CREM: variants seen among roughly 807,000 people sequenced by gnomAD.
CREM encodes cAMP responsive element modulator, also known as cAMP-responsive element modulator.
CREM carries 13 observed loss-of-function variants against 37.3 expected under a neutral mutation model. The observed-to-expected ratio is 0.35, with a 90% confidence interval of 0.23 to 0.55. The LOEUF (loss-of-function observed/expected upper bound fraction) is 0.55, where lower values mean the gene tolerates loss of function less well. Ranked by LOEUF, CREM falls within the 20% of genes least tolerant of loss-of-function variation. The pLI, the probability that CREM is intolerant of heterozygous loss-of-function variation, is 0.88. For missense variants in CREM, 296 were observed against 362.3 expected (o/e 0.82, Z 1.49); for synonymous variants, 124 against 120.2 (o/e 1.03, Z -0.21).
intron 6 of CREM, among the ~76,000 whole-genome samples, chr10:35,206,210 T>C (rs1032612637): frequency 1.3e-5 from 2 of 151,238 alleles, no homozygotes; most frequent in Admixed American, 1.3e-4. Flanking sequence ...ATCGCGCCAC[T>C]GCACTCCAGC....
At chr10:35,134,101 C>T (rs896597626) in intron 1 of CREM, among the ~76,000 whole-genome samples, 2 of 149,378 alleles carry the variant, frequency 1.3e-5, no homozygotes, top group African/African-American at 5.0e-5. Flanking sequence ...GGCTGGAGTG[C>T]AATGGTGCTA....
rs116806817 is a variant in CREM, at chr10:35,127,047, G to A, written c.-201G>A. 0.015 allele frequency: 2,345 copies of A among 152,920 alleles called. 59 individuals are homozygous for A. Among genetic ancestry groups the A allele is most frequent in the African/African-American group, 0.054 (2,237 of 41,554 alleles). 9.5% of individuals were successfully genotyped at this position (152,920 alleles called of 1,614,324 possible). A position where few individuals can be genotyped will look rare whatever the true frequency, so the allele number is the denominator to read the frequency against. On this transcript the variant is annotated 5_prime_UTR_variant, in exon 1 of 8. Coordinates refer to ENST00000685392, the MANE Select transcript of CREM (RefSeq NM_183011.2). ...GGGAGGCCGCGGCTACCGCATCACA[G>A]CTGACGTGAGGACTACGTGGGGCCG...
chr10:35,151,455 A>G (rs2092595048), intron 3 of CREM, among the ~76,000 whole-genome samples: 1 of 152,186 alleles, frequency 6.6e-6, no homozygotes, highest in Non-Finnish European at 1.5e-5. Context: ...TGCTCACTGC[A>G]TCCTCCACCT....
intron 3 of CREM, among the ~76,000 whole-genome samples, chr10:35,164,308 T>A (rs1241073663): frequency 6.6e-6 from 1 of 152,238 alleles, no homozygotes; most frequent in Non-Finnish European, 1.5e-5. Flanking sequence ...AAAATGGTAG[T>A]AATTAGGCTT....
In CREM at chr10:35,196,054, C is replaced by CT. The variant is rs780359001; in HGVS notation, c.598+7667dup. ...TTGAAGAGGGAAACACGTCATGAAA[C>CT]TGTAATGCATGAACAGAACTCAGGA... On this transcript the variant is annotated intron_variant, in intron 6 of 7. Coordinates refer to ENST00000685392, the MANE Select transcript of CREM (RefSeq NM_183011.2). 1.2e-4 allele frequency: 196 copies of CT among 1,614,060 alleles called. No individual in the cohort carries two copies. The African/African-American group carries it at 2.4e-3, about 20-fold the overall frequency.
intron 6 of CREM, 133 bp downstream of exon 6, chr10:35,188,521 T>TAA: frequency 1.5e-6 from 1 of 673,036 alleles, no homozygotes; most frequent in Non-Finnish European, 2.3e-6. Flanking sequence ...TAAAAAGGCT[T>TAA]ACAGAAGAAA....
At chr10:35,128,692 A>AT (rs1253947826) in intron 1 of CREM, among the ~76,000 whole-genome samples, 2 of 151,706 alleles carry the variant, frequency 1.3e-5, no homozygotes, top group Non-Finnish European at 2.9e-5. Flanking sequence ...CGCCTGGCTA[A>AT]TTTTTTGTAT....
intron 6 of CREM, chr10:35,195,914 T>C: frequency 1.4e-6 from 1 of 692,980 alleles, no homozygotes; most frequent in Non-Finnish European, 2.5e-6. Flanking sequence ...AAAATGCTGC[T>C]GACAGATTTA....
At chr10:35,202,476 G>T (rs1462102278) in intron 6 of CREM, among the ~76,000 whole-genome samples, 2 of 152,088 alleles carry the variant, frequency 1.3e-5, no homozygotes, top group African/African-American at 4.8e-5. Flanking sequence ...GGCTGGACTT[G>T]AACTCCTGGG....
intron 3 of CREM, among the ~76,000 whole-genome samples, chr10:35,166,564 CAA>C (rs34348266): frequency 2.3e-5 from 3 of 131,884 alleles, no homozygotes; most frequent in Non-Finnish European, 1.6e-5. Flanking sequence ...GAGTCTGTAT[CAA>C]AAAAAAAAAA....
chr10:35,128,820 C>T (rs1017342879), intron 1 of CREM, among the ~76,000 whole-genome samples: 1 of 152,130 alleles, frequency 6.6e-6, no homozygotes, highest in Non-Finnish European at 1.5e-5. Flanking sequence ...CCACCGCTCC[C>T]GGCCTTTTTT....
chr10:35,128,336 C>G (rs768541660), intron 1 of CREM, among the ~76,000 whole-genome samples: 2 of 152,126 alleles, frequency 1.3e-5, no homozygotes, highest in Non-Finnish European at 2.9e-5. Context: ...GGCTTACGTA[C>G]GTGACTCAGT....
intron 6 of CREM, among the ~76,000 whole-genome samples, chr10:35,202,256 C>T (rs900058540): frequency 1.3e-5 from 2 of 152,154 alleles, no homozygotes; most frequent in Non-Finnish European, 2.9e-5. Context: ...TCAGAGAATG[C>T]AGGATGGTCT....
At chr10:35,171,383 G>C (rs1335379845) in intron 3 of CREM, 1 of 151,932 alleles carries the variant, frequency 6.6e-6, no homozygotes, top group African/African-American at 2.4e-5. Context: ...TATTGGCCAG[G>C]CTGGTCTTGA....
intron 3 of CREM, among the ~76,000 whole-genome samples, chr10:35,170,977 A>G (rs1328969728): frequency 2.6e-5 from 4 of 152,074 alleles, no homozygotes; most frequent in African/African-American, 9.7e-5. Flanking sequence ...GCAGGTTCTC[A>G]GCCTTTATTT....
chr10:35,165,080 A>G (rs2093482230), intron 3 of CREM, among the ~76,000 whole-genome samples: 1 of 150,206 alleles, frequency 6.7e-6, no homozygotes, highest in South Asian at 2.1e-4. Context: ...AAAAAAAAAG[A>G]AAAGGAAAAA....
intron 2 of CREM, among the ~76,000 whole-genome samples, chr10:35,139,137 T>G (rs1333621072): frequency 1.3e-5 from 2 of 152,016 alleles, no homozygotes; most frequent in Non-Finnish European, 2.9e-5. Context: ...ATTTTTTTTT[T>G]TTTTGAGACA....
chr10:35,127,531 G>C (rs1444470787), intron 1 of CREM: 1 of 152,404 alleles, frequency 6.6e-6, no homozygotes, highest in African/African-American at 2.4e-5. Context: ...CGGCTCAGGG[G>C]AGCGGTTTAA....
At chr10:35,153,223 C>G (rs1056364410) in intron 3 of CREM, among the ~76,000 whole-genome samples, 7 of 152,054 alleles carry the variant, frequency 4.6e-5, no homozygotes, top group African/African-American at 1.7e-4. Context: ...CCACTGCACT[C>G]CAGCCTGACG....
Sources: allele counts gnomAD v4.1 joint callset (sites outside exome capture counted in the v4.1 genomes callset), GRCh38; gene constraint gnomAD v4.1.1; transcripts MANE v1.5; gene names NCBI Gene and HGNC (gene_info 2026-07-23, HGNC 2026-07-21).